The following PRH1 variants were observed in gnomAD, a reference collection of about 807,000 sequenced individuals.
PRH1 encodes the protein proline rich protein HaeIII subfamily 1.
In PRH1, 7 loss-of-function variants were observed where a neutral mutation model predicts 7.9. That is an observed-to-expected ratio of 0.89 (90% confidence interval 0.50 to 1.67). PRH1 has a LOEUF of 1.67. Ranked by LOEUF, PRH1 falls within the 40% of genes most tolerant of loss-of-function variation. The pLI, the probability that PRH1 is intolerant of heterozygous loss-of-function variation, is 0.00. For synonymous variants in PRH1, 45 were observed against 80.8 expected (o/e 0.56, Z 2.38); for missense variants, 109 against 223.6 (o/e 0.49, Z 3.27).
At chr12:10,985,114 CA>C (rs1170990053) in intron 1 of PRH1, among the ~76,000 whole-genome samples, 1 of 151,780 alleles carries the variant, frequency 6.6e-6, no homozygotes, top group Admixed American at 6.6e-5. Flanking sequence ...ATCTCAACTT[CA>C]AAAAAGGTTT....
chr12:11,039,534 G>A (rs980033378), intron 1 of PRH1, among the ~76,000 whole-genome samples: 4 of 151,718 alleles, frequency 2.6e-5, no homozygotes, highest in South Asian at 2.1e-4. Context: ...TTTTTTCCTT[G>A]TTTAAACTCT....
intron 1 of PRH1, among the ~76,000 whole-genome samples, chr12:11,168,213 GAAGAAAGAAAGAAAGAAAGAAA>G (rs1947647158): frequency 4.6e-4 from 9 of 19,622 alleles, no homozygotes; most frequent in Middle Eastern, 0.022. Context: ...AAGAAAGAAA[GAAGAAAGAAAGAAAGAAAGAAA>G]GAAAGAAAGA....
rs2264230 is a variant in PRH1 at position 11,043,004 on chromosome 12, G to A, written c.-126+4016C>T. 4.3e-3 allele frequency among the ~76,000 whole-genome samples: 651 copies of A among 152,176 alleles called. 5 individuals are homozygous for A. Among genetic ancestry groups the A allele is most frequent in the African/African-American group, 0.015 (630 of 41,490 alleles). On this transcript the variant is annotated intron_variant, in intron 1 of 3. Coordinates refer to the PRH1 transcript ENST00000539853. Reference sequence around the variant, plus strand: ...ACACATTGAAAAAGGAAAACTACAAGTAAATATCCCTGATGAACATTGATG... The same window carrying A: ...ACACATTGAAAAAGGAAAACTACAAATAAATATCCCTGATGAACATTGATG...
rs187022269 is a variant in PRH1 at position 11,057,988 on chromosome 12, A to G, written n.124-10800T>C. 8.6e-3 allele frequency among the ~76,000 whole-genome samples: 1,292 copies of G among 151,002 alleles called. 7 individuals are homozygous for G. Among genetic ancestry groups the G allele is most frequent in the Non-Finnish European group, 0.014 (936 of 67,656 alleles). On this transcript the variant is annotated intron_variant and non_coding_transcript_variant, in intron 1 of 4. Coordinates refer to the PRH1 transcript ENST00000541977. ...TACAGCCCGGGCCCTGTGGCACATG[A>G]TTGTAATTCCAGCACTTTAGGAGGC...
chr12:10,962,330 A>G (rs1244503026), intron 2 of PRH1, among the ~76,000 whole-genome samples: 5 of 152,260 alleles, frequency 3.3e-5, no homozygotes, highest in African/African-American at 1.2e-4. Context: ...ATATCAGAAT[A>G]CAAATATATC....
chr12:11,061,520 G>A (rs1192035190), intron 1 of PRH1: 1 of 1,614,016 alleles, frequency 6.2e-7, no homozygotes, highest in Non-Finnish European at 8.5e-7. Context: ...ATGAAGACAG[G>A]TTTGTTTTCC....
At chr12:11,042,927 C>T (rs1942768298) in intron 1 of PRH1, among the ~76,000 whole-genome samples, 2 of 152,048 alleles carry the variant, frequency 1.3e-5, no homozygotes, top group African/African-American at 4.8e-5. Context: ...CCAGGCCCGG[C>T]CCAGGCTTAT....
Position 11,085,723 on chromosome 12 carries a change from T to C in PRH1, n.124-38535A>G, listed in dbSNP as rs1250289620. Reference sequence around the variant, plus strand: ...AAAATGTCTCATACTGATGTTGAAGTGAAACCTGAATTCTCAATTCCAGGC... The same window carrying C: ...AAAATGTCTCATACTGATGTTGAAGCGAAACCTGAATTCTCAATTCCAGGC... On this transcript the variant is annotated intron_variant and non_coding_transcript_variant, in intron 1 of 4. Transcript: ENST00000541977. 1.7e-5 allele frequency among the ~76,000 whole-genome samples: 2 copies of C among 116,700 alleles called. 1 individual carries two copies. The highest frequency in any genetic ancestry group is 1.7e-4 in the Admixed American group (2 of 11,654). The allele number at this position is 116,700 out of a possible 152,430, so 76.6% of individuals were successfully genotyped here.
chr12:11,044,181 G>A (rs540640856), intron 1 of PRH1, among the ~76,000 whole-genome samples: 8 of 152,162 alleles, frequency 5.3e-5, no homozygotes, highest in Non-Finnish European at 1.0e-4. Context: ...TGCCAAGAAC[G>A]TACACTGGAA....
At chr12:10,882,874 A>G (rs1249124395) in intron 2 of PRH1, among the ~76,000 whole-genome samples, 176 bp from the exon 3 acceptor site, 1 of 152,166 alleles carries the variant, frequency 6.6e-6, no homozygotes, top group Non-Finnish European at 1.5e-5. Flanking sequence ...CATAAGGGTG[A>G]TGAAAAATTG....
intron 1 of PRH1, among the ~76,000 whole-genome samples, chr12:11,019,385 T>C (rs1474967342): frequency 6.6e-6 from 1 of 152,290 alleles, no homozygotes; most frequent in Non-Finnish European, 1.5e-5. Flanking sequence ...TTACCCCTCA[T>C]TGCTGCCCTG....
chr12:11,102,389 C>A (rs1945283045), intron 1 of PRH1, among the ~76,000 whole-genome samples: 1 of 152,150 alleles, frequency 6.6e-6, no homozygotes, highest in African/African-American at 2.4e-5. Flanking sequence ...AATAATATGA[C>A]ACATCTACAA....
chr12:10,911,699 T>A (rs553435117), intron 2 of PRH1, among the ~76,000 whole-genome samples: 1 of 152,352 alleles, frequency 6.6e-6, no homozygotes, highest in South Asian at 2.1e-4. Context: ...TAACCTCATA[T>A]CATTTGTTTA....
intron 2 of PRH1, among the ~76,000 whole-genome samples, chr12:10,911,936 C>T (rs770309968): frequency 3.3e-5 from 5 of 152,154 alleles, no homozygotes; most frequent in Non-Finnish European, 7.4e-5. Context: ...CAATTCAAAT[C>T]ACGTTATTGT....
chr12:10,930,444 C>T (rs1950188929), intron 2 of PRH1: 1 of 1,459,334 alleles, frequency 6.9e-7, no homozygotes, highest in Admixed American at 2.2e-5. Flanking sequence ...TTTCTCCCAA[C>T]CTTGATTCTG....
At chr12:11,003,017 T>C (rs1940664481) in intron 1 of PRH1, among the ~76,000 whole-genome samples, 1 of 152,006 alleles carries the variant, frequency 6.6e-6, no homozygotes, top group South Asian at 2.1e-4. Context: ...TCATGAATAA[T>C]TAAATTGGAA....
rs1942124400 is a variant in PRH1 at position 11,030,276 on chromosome 12, C to CTT, written c.-126+16742_-126+16743dup. 7 of 1,178,278 alleles carry CTT rather than the reference C, an allele frequency of 5.9e-6. No homozygotes were observed. In the South Asian group the frequency reaches 1.1e-4, roughly 19 times the overall value. 73.0% of individuals were successfully genotyped at this position (1,178,278 alleles called of 1,614,324 possible). A position where few individuals can be genotyped will look rare whatever the true frequency, so the allele number is the denominator to read the frequency against. On this transcript the variant is annotated intron_variant, in intron 1 of 3. Coordinates refer to the PRH1 transcript ENST00000539853. ...TTCTAGACTAATATTAGGTCAAAGG[C>CTT]TTTTCTAGGTATACGTTGGGAAATT...
chr12:11,144,381 A>G (rs2136403027), intron 1 of PRH1, among the ~76,000 whole-genome samples: 1 of 152,224 alleles, frequency 6.6e-6, no homozygotes, highest in Non-Finnish European at 1.5e-5. Context: ...GAAAGCCAAC[A>G]GTCACAGGTC....
Position 11,108,886 on chromosome 12 carries a change from C to A in PRH1, n.124-61698G>T, listed in dbSNP as rs1056370001. ...AGTTGTCTAGCTCAGTGGATCCCAC[C>A]TCCTTGGAGCCCAGCAAGCTAAGAT... is the stretch of plus-strand genomic sequence containing the variant. On this transcript the variant is annotated intron_variant and non_coding_transcript_variant, in intron 1 of 4. Transcript: ENST00000541977. Among the ~76,000 whole-genome samples, 33 of 152,342 alleles carry A rather than the reference C, an allele frequency of 2.2e-4. No homozygotes were observed. In the East Asian group the frequency reaches 2.5e-3, roughly 12 times the overall value.
Sources: gnomAD v4.1 joint callset for allele counts (sites outside exome capture counted in the v4.1 genomes callset) on GRCh38, gnomAD v4.1.1 for gene constraint, MANE v1.5 for transcripts, NCBI Gene and HGNC (gene_info 2026-07-23, HGNC 2026-07-21) for gene names.